Variants in NRXN3 observed in about 807,000 individuals in gnomAD.
NRXN3 encodes the protein neurexin 3.
NRXN3 carries 32 observed loss-of-function variants against 137.6 expected under a neutral mutation model. That is an observed-to-expected ratio of 0.23 (90% CI 0.18 to 0.31). The LOEUF (loss-of-function observed/expected upper bound fraction) is 0.31. Among genes scored for constraint, NRXN3 ranks in the 10% least tolerant of loss-of-function variants. The pLI is 1.00. For synonymous variants in NRXN3, 798 were observed against 784.5 expected, an observed-to-expected ratio of 1.02 and a Z score of -0.29; for missense variants, 1,574 against 2,062.5, an observed-to-expected ratio of 0.76 and a Z score of 4.59.
chr14:78,973,165 A>G (rs1169530643), intron 14 of NRXN3, among the ~76,000 whole-genome samples: 1 of 152,208 alleles, frequency 6.6e-6, no homozygotes, highest in Non-Finnish European at 1.5e-5. Flanking sequence ...GAGGTTTGAC[A>G]GCATCCCATA....
intron 2 of NRXN3, among the ~76,000 whole-genome samples, chr14:78,248,781 T>G (rs956813166): frequency 5.3e-5 from 8 of 152,124 alleles, no homozygotes; most frequent in Admixed American, 2.6e-4. Context: ...CCTTTCTAAG[T>G]CTTCCCTGGT....
intron 15 of NRXN3, among the ~76,000 whole-genome samples, chr14:79,290,313 T>C (rs1280889500): frequency 6.6e-6 from 1 of 152,158 alleles, no homozygotes; most frequent in African/African-American, 2.4e-5. Context: ...TGCTAGGCAA[T>C]AGAGCGGGTT....
chr14:78,508,475 T>C (rs993589172), intron 4 of NRXN3, among the ~76,000 whole-genome samples: 4 of 152,156 alleles, frequency 2.6e-5, no homozygotes, highest in African/African-American at 9.6e-5. Context: ...ATCTCACTTT[T>C]TGAAGTGTTT....
intron 1 of NRXN3, among the ~76,000 whole-genome samples, chr14:78,174,588 G>A (rs959164206): frequency 6.6e-6 from 1 of 152,198 alleles, no homozygotes; most frequent in Non-Finnish European, 1.5e-5. Flanking sequence ...AACACTGTGC[G>A]TGTGGTTCAA....
intron 10 of NRXN3, among the ~76,000 whole-genome samples, chr14:78,919,366 T>C (rs1032874750): frequency 1.8e-4 from 27 of 152,346 alleles, no homozygotes; most frequent in Admixed American, 2.6e-4. Flanking sequence ...TGTGTCAATT[T>C]ACCTAACCTT....
At chr14:79,244,068 G>A (rs1175829578) in intron 15 of NRXN3, among the ~76,000 whole-genome samples, 2 of 152,130 alleles carry the variant, frequency 1.3e-5, no homozygotes, top group South Asian at 4.2e-4. Flanking sequence ...TCTATCGTTT[G>A]ATGATTTTCT....
chr14:78,464,728 A>G (rs1056557335), intron 4 of NRXN3, among the ~76,000 whole-genome samples: 2 of 152,224 alleles, frequency 1.3e-5, no homozygotes, highest in Non-Finnish European at 2.9e-5. Flanking sequence ...TAAAACTGTA[A>G]AATGCTTCAA....
intron 15 of NRXN3, among the ~76,000 whole-genome samples, chr14:79,076,273 T>A (rs544204184): frequency 6.6e-6 from 1 of 152,228 alleles, no homozygotes; most frequent in East Asian, 1.9e-4. Context: ...TATTGCTGCA[T>A]AACAAATAAC....
chr14:79,597,390 A>G (rs918368556), intron 16 of NRXN3, among the ~76,000 whole-genome samples: 1 of 152,220 alleles, frequency 6.6e-6, no homozygotes, highest in Non-Finnish European at 1.5e-5. Flanking sequence ...ATTAGTTTGC[A>G]TAAGAAAATG....
chr14:79,153,994 C>A (rs2060025568), intron 15 of NRXN3, among the ~76,000 whole-genome samples: 1 of 152,000 alleles, frequency 6.6e-6, no homozygotes, highest in African/African-American at 2.4e-5. Context: ...CAGGATTAGT[C>A]ATTGCCCAAA....
chr14:78,645,974 C>T (rs574156278), intron 5 of NRXN3, among the ~76,000 whole-genome samples: 179 of 152,016 alleles, frequency 1.2e-3, no homozygotes, highest in Non-Finnish European at 2.1e-3. Flanking sequence ...ATTAATTAGC[C>T]GGGATCTTTC....
rs117764039 is a variant in NRXN3, at chr14:79,835,832, G to A, written c.4094-25510G>A. ...TAAACACTAAACCACATCCCTGCAC[G>A]GAGCACATGGGCTTTGTTGTTGATA... On this transcript the variant is annotated intron_variant, in intron 20 of 20. Coordinates refer to ENST00000335750, the MANE Select transcript of NRXN3 (RefSeq NM_001330195.2). Among the ~76,000 whole-genome samples, 105 of 152,264 alleles carry A rather than the reference G, an allele frequency of 6.9e-4. No individual in the cohort carries two copies. In the East Asian group the frequency reaches 0.018, roughly 26 times the overall value.
chr14:79,107,661 T>G (rs182930201), intron 15 of NRXN3, among the ~76,000 whole-genome samples: 1 of 152,154 alleles, frequency 6.6e-6, no homozygotes, highest in Non-Finnish European at 1.5e-5. Context: ...TTTTGGGTAG[T>G]GCTAACAACA....
intron 20 of NRXN3, among the ~76,000 whole-genome samples, chr14:79,849,036 T>C (rs1042284376): frequency 6.6e-6 from 1 of 152,152 alleles, no homozygotes. Context: ...CTTGGGCCCC[T>C]GTCCCAACTC....
chr14:79,643,146 T>G (rs2153961924), intron 16 of NRXN3, among the ~76,000 whole-genome samples: 1 of 136,374 alleles, frequency 7.3e-6, no homozygotes, highest in Non-Finnish European at 1.7e-5. Flanking sequence ...ACAAGCTTCG[T>G]AGAGACCACA....
At chr14:78,237,413 A>G (rs967023605) in intron 1 of NRXN3, among the ~76,000 whole-genome samples, 2 of 152,160 alleles carry the variant, frequency 1.3e-5, no homozygotes, top group South Asian at 2.1e-4. Context: ...GTTTGTATCT[A>G]TTTCTTGGCT....
At chr14:78,450,234 A>G (rs561804785) in intron 4 of NRXN3, among the ~76,000 whole-genome samples, 18 of 152,338 alleles carry the variant, frequency 1.2e-4, no homozygotes, top group Non-Finnish European at 2.4e-4. Flanking sequence ...AGATTGAGAA[A>G]AGTGTTTTCA....
In NRXN3 at chr14:78,932,797, C is replaced by T. The variant is rs777174324; in HGVS notation, c.2276-24445C>T. ...AAGAGGTGTTTTTTATATATCCTTCCACCTTTATATATATTTTTTATTGTT... is the reference window on the plus strand; with the variant it reads ...AAGAGGTGTTTTTTATATATCCTTCTACCTTTATATATATTTTTTATTGTT... On this transcript the variant is annotated intron_variant, in intron 10 of 20. Coordinates refer to ENST00000335750, the MANE Select transcript of NRXN3 (RefSeq NM_001330195.2). 6.5e-4 allele frequency among the ~76,000 whole-genome samples: 99 copies of T among 152,212 alleles called. 1 individual carries two copies. The highest frequency in any genetic ancestry group is 1.2e-3 in the Non-Finnish European group (83 of 68,016).
chr14:78,691,279 G>A (rs868489666), intron 6 of NRXN3, among the ~76,000 whole-genome samples: 2 of 152,094 alleles, frequency 1.3e-5, no homozygotes, highest in African/African-American at 4.8e-5. Context: ...GTTAAAACAC[G>A]ATATTTAGAG....
Sources: gnomAD v4.1 joint callset for allele counts (sites outside exome capture counted in the v4.1 genomes callset) on GRCh38, gnomAD v4.1.1 for gene constraint, MANE v1.5 for transcripts, NCBI Gene and HGNC (gene_info 2026-07-23, HGNC 2026-07-21) for gene names.